Variants in DNAJC10 observed in about 807,000 individuals in gnomAD.
DNAJC10 encodes DnaJ heat shock protein family (Hsp40) member C10, also known as endoplasmic reticulum disulfide reductase DNAJC10.
DNAJC10 carries 101 observed loss-of-function variants against 115.0 expected under a neutral mutation model. The ratio of observed to expected loss-of-function variants is 0.88; its 90% CI spans 0.75 to 1.04. DNAJC10 has a LOEUF of 1.04. DNAJC10 is among the 50% of genes least tolerant of loss of function. The probability of loss-of-function intolerance (pLI) is 0.00; values close to 1 mark genes in which losing one functional copy is unlikely to be tolerated. For missense variants in DNAJC10, 981 were observed against 928.8 expected (o/e 1.06, Z -0.73); for synonymous variants, 307 against 301.5 (o/e 1.02, Z -0.19).
Position 182,758,769 on chromosome 2 carries a change from A to T in DNAJC10, c.1944-68A>T, listed in dbSNP as rs548007487. On this transcript the variant is annotated intron_variant, in intron 19 of 23. Transcript: ENST00000264065. ...ACTTATTTTTTAAATTGCTACAATA[A>T]GATTGTTTTCTGAATACATCCAATA... The T allele has an allele frequency of 3.7e-5, 41 of 1,108,000 alleles. No individual in the cohort carries two copies. In the African/African-American group the frequency reaches 6.2e-4, roughly 17 times the overall value. The allele number at this position is 1,108,000 out of a possible 1,614,324, so 68.6% of individuals were successfully genotyped here.
rs748240986 is a variant in DNAJC10, at chr2:182,786,534, C to T, written c.*9402C>T. ...TTCAAGGAAGATCAACTGAACCTGC[C>T]TGAAGGCACAGGGTACACCATCTTC... On this transcript the variant is annotated 3_prime_UTR_variant, in exon 24 of 24. Coordinates refer to ENST00000264065, the MANE Select transcript of DNAJC10 (RefSeq NM_018981.4). 4 of 152,162 alleles carry T rather than the reference C, an allele frequency of 2.6e-5. No homozygotes were observed. The highest frequency in any genetic ancestry group is 6.5e-5 in the Admixed American group (1 of 15,278). The allele number at this position is 152,162 out of a possible 1,614,324, so 9.4% of individuals were successfully genotyped here.
chr2:182,767,862 T>C (rs1694454790), intron 22 of DNAJC10, among the ~76,000 whole-genome samples: 1 of 152,130 alleles, frequency 6.6e-6, no homozygotes, highest in Non-Finnish European at 1.5e-5. Context: ...TTCCTTATCA[T>C]ACTACACACT....
rs1414097989 is a variant in DNAJC10 at position 182,783,943 on chromosome 2, A to T, written c.*6811A>T. The T allele has an allele frequency of 6.6e-6, 1 of 152,238 alleles. No homozygotes were observed. Among genetic ancestry groups the T allele is most frequent in the Non-Finnish European group, 1.5e-5 (1 of 68,038 alleles). 9.4% of individuals were successfully genotyped at this position (152,238 alleles called of 1,614,324 possible). On this transcript the variant is annotated 3_prime_UTR_variant, in exon 24 of 24. Transcript: ENST00000264065. ...GAAAGTTAATTTGTATTAATTAACT[A>T]ATATAAATTAATCCTATCAAGTTAA...
At chr2:182,772,809 T>C (rs937022021) in intron 22 of DNAJC10, among the ~76,000 whole-genome samples, 2 of 152,234 alleles carry the variant, frequency 1.3e-5, no homozygotes, top group Non-Finnish European at 2.9e-5. Context: ...CCAGCCTGTG[T>C]CTTTTAATTG....
chr2:182,766,097 A>C (rs1694404494), intron 22 of DNAJC10, among the ~76,000 whole-genome samples: 1 of 152,216 alleles, frequency 6.6e-6, no homozygotes, highest in Non-Finnish European at 1.5e-5. Flanking sequence ...AGCCTTAAGG[A>C]AAAAGGGGAA....
chr2:182,766,056 A>G (rs1340086048), intron 22 of DNAJC10, among the ~76,000 whole-genome samples: 1 of 152,238 alleles, frequency 6.6e-6, no homozygotes, highest in African/African-American at 2.4e-5. Context: ...GCCAAATAGC[A>G]TTAGGCACCA....
chr2:182,769,138 C>A (rs914113609), intron 22 of DNAJC10, among the ~76,000 whole-genome samples: 1 of 152,124 alleles, frequency 6.6e-6, no homozygotes, highest in Non-Finnish European at 1.5e-5. Flanking sequence ...ATTCATGTCC[C>A]TGCAAAGGAC....
rs1177897119 is a variant in DNAJC10, at chr2:182,787,911, A to AC, written c.*10783dup. On this transcript the variant is annotated 3_prime_UTR_variant, in exon 24 of 24. Transcript: ENST00000264065. ...ACTCCAGACTGGGAGGCAGAGGAAG[A>AC]CCCCGTCTCAAAAAACAAAAGGTAA... The AC allele has an allele frequency of 6.6e-6, 1 of 152,146 alleles. No individual in the cohort carries two copies. Among genetic ancestry groups the AC allele is most frequent in the Admixed American group, 6.6e-5 (1 of 15,256 alleles). 9.4% of individuals were successfully genotyped at this position (152,146 alleles called of 1,614,324 possible).
chr2:182,774,834 C>G (rs1450641440), intron 22 of DNAJC10, among the ~76,000 whole-genome samples: 1 of 152,236 alleles, frequency 6.6e-6, no homozygotes, highest in Non-Finnish European at 1.5e-5. Context: ...CCAATCCCCG[C>G]CCTGGCGTCT....
rs1694927575 is a variant in DNAJC10 at position 182,785,369 on chromosome 2, C to T, written c.*8237C>T. 1 of 151,806 alleles carries T rather than the reference C, an allele frequency of 6.6e-6. No homozygotes were observed. The highest frequency in any genetic ancestry group is 1.5e-5 in the Non-Finnish European group (1 of 67,970). The allele number at this position is 151,806 out of a possible 1,614,324, so 9.4% of individuals were successfully genotyped here. On this transcript the variant is annotated 3_prime_UTR_variant, in exon 24 of 24. Coordinates refer to ENST00000264065, the MANE Select transcript of DNAJC10 (RefSeq NM_018981.4). The stretch of plus-strand genomic sequence containing the variant: ...TCCTTTGTGAAATAAGACACATAGT[C>T]TTCAGGTAAAAAGAAAGAGCTCTTG...
chr2:182,740,616 G>A (rs1693709188), intron 12 of DNAJC10, among the ~76,000 whole-genome samples: 1 of 152,044 alleles, frequency 6.6e-6, no homozygotes, highest in South Asian at 2.1e-4. Flanking sequence ...CCTGAAGGTG[G>A]GCTTCAAAAG....
chr2:182,744,967 C>G (rs530449294), intron 14 of DNAJC10, among the ~76,000 whole-genome samples: 21 of 152,280 alleles, frequency 1.4e-4, no homozygotes, highest in South Asian at 6.2e-4. Flanking sequence ...GGCCCATCAT[C>G]GCCTTCATCT....
At chr2:182,745,940 A>G (rs384190) in intron 14 of DNAJC10, among the ~76,000 whole-genome samples, 97,745 of 150,906 alleles carry the variant, frequency 0.65, 31,890 homozygotes, top group Middle Eastern at 0.74. Context: ...TCCTGTGTCC[A>G]TGTGTTCTCA....
intron 20 of DNAJC10, 47 bp downstream of exon 20, chr2:182,758,937 A>G: frequency 7.2e-7 from 1 of 1,379,454 alleles, no homozygotes; most frequent in Non-Finnish European, 1.0e-6. Flanking sequence ...ATTCAAAGCC[A>G]TTTACCCCCC....
chr2:182,776,252 G>A (rs768699971), intron 23 of DNAJC10, among the ~76,000 whole-genome samples: 3 of 152,014 alleles, frequency 2.0e-5, no homozygotes, highest in Non-Finnish European at 4.4e-5. Context: ...GTTTTGAATA[G>A]CAAATTTTCT....
At chr2:182,759,540 A>G (rs891784704) in intron 21 of DNAJC10, among the ~76,000 whole-genome samples, 1 of 152,106 alleles carries the variant, frequency 6.6e-6, no homozygotes, top group East Asian at 1.9e-4. Flanking sequence ...ACTAGCCATA[A>G]AAGCCAGAAA....
At chr2:182,765,642 C>T (rs1694391697) in intron 22 of DNAJC10, among the ~76,000 whole-genome samples, 1 of 152,154 alleles carries the variant, frequency 6.6e-6, no homozygotes, top group Non-Finnish European at 1.5e-5. Flanking sequence ...AGGTGCCTTC[C>T]AAGTCATCAC....
chr2:182,793,802 T>A lies in DNAJC10; in HGVS notation c.*16670T>A, dbSNP rs576026673. ...TATTTAATTTAGCAATCCTAAAATT[T>A]TCCAGAGAGGAAACACATCACACAC... On this transcript the variant is annotated 3_prime_UTR_variant, in exon 24 of 24. Transcript: ENST00000264065. 2.1e-5 allele frequency: 3 copies of A among 142,582 alleles called. No individual in the cohort carries two copies. The East Asian group carries it at 6.2e-4, about 29-fold the overall frequency. The allele number at this position is 142,582 out of a possible 1,614,324, so 8.8% of individuals were successfully genotyped here.
At chr2:182,732,075 A>G (rs976841844) in intron 9 of DNAJC10, among the ~76,000 whole-genome samples, 2 of 152,118 alleles carry the variant, frequency 1.3e-5, no homozygotes, top group Admixed American at 6.6e-5. Flanking sequence ...CTTTCATAAA[A>G]ATAGTGAAGG....
Sources: gnomAD v4.1 joint callset for allele counts (sites outside exome capture counted in the v4.1 genomes callset) on GRCh38, gnomAD v4.1.1 for gene constraint, MANE v1.5 for transcripts, NCBI Gene and HGNC (gene_info 2026-07-23, HGNC 2026-07-21) for gene names.